PCDHGB4: variants seen among roughly 807,000 people sequenced by gnomAD.
PCDHGB4 encodes protocadherin gamma-B4.
In PCDHGB4, 38 loss-of-function variants were observed where a neutral mutation model predicts 60.5. That is an observed-to-expected ratio of 0.63 (90% CI 0.48 to 0.82). The LOEUF (loss-of-function observed/expected upper bound fraction) is 0.82, where lower values mean the gene tolerates loss of function less well. PCDHGB4 is among the 40% of genes least tolerant of loss of function. PCDHGB4 has a pLI of 0.00. For synonymous variants in PCDHGB4, 456 were observed against 509.7 expected, an observed-to-expected ratio of 0.89 and a Z score of 1.42; for missense variants, 1,109 against 1,209.6, an observed-to-expected ratio of 0.92 and a Z score of 1.23.
chr5:141,422,150 T>A (rs773805631), intron 1 of PCDHGB4: 1 of 1,577,174 alleles, frequency 6.3e-7, no homozygotes, highest in Non-Finnish European at 8.6e-7. Context: ...CGGGGGTCTC[T>A]GGATTTTGAA....
rs200491568 is a variant in PCDHGB4, at chr5:141,493,146, G to A, written c.2398-1661G>A. 9.6e-6 allele frequency among the ~76,000 whole-genome samples: 1 copy of A among 104,172 alleles called. No homozygotes were observed. The highest frequency in any genetic ancestry group is 3.1e-5 in the African/African-American group (1 of 32,680). 68.3% of individuals were successfully genotyped at this position (104,172 alleles called of 152,430 possible). A position where few individuals can be genotyped will look rare whatever the true frequency, so the allele number is the denominator to read the frequency against. On this transcript the variant is annotated intron_variant, in intron 1 of 3. Transcript: ENST00000519479. The surrounding 1 kb of genome is among the most constrained non-coding windows in gnomAD (Gnocchi z 4.3). ...AGGACTGTATTTTGAAACACCCCCA[G>A]GTGATTTTGATAGCTGATTGAGAGA... is the stretch of plus-strand genomic sequence containing the variant.
Position 141,490,177 on chromosome 5 carries a change from T to C in PCDHGB4, c.2398-4630T>C, listed in dbSNP as rs780298274. 12 of 1,613,622 alleles carry C rather than the reference T, an allele frequency of 7.4e-6. No individual in the cohort carries two copies. The highest frequency in any genetic ancestry group is 1.0e-5 in the Non-Finnish European group (12 of 1,179,932). On this transcript the variant is annotated intron_variant, in intron 1 of 3. Transcript: ENST00000519479. This position sits in a 1 kb window ranked among gnomAD's most constrained non-coding sequence, Gnocchi z 5.4. The stretch of plus-strand genomic sequence containing the variant: ...GTTGGGTCCCATAGACTTTGAGGAG[T>C]CACGTTTCTATGAAATTCATGCAAG...
chr5:141,438,735 C>T (rs2098057719), intron 1 of PCDHGB4, among the ~76,000 whole-genome samples: 1 of 149,150 alleles, frequency 6.7e-6, no homozygotes, highest in South Asian at 2.1e-4. Context: ...GATCTCAGCT[C>T]ACTGCAACCT....
intron 1 of PCDHGB4, chr5:141,409,680 C>T (rs756713114): frequency 1.9e-6 from 3 of 1,613,242 alleles, no homozygotes; most frequent in African/African-American, 1.3e-5. Context: ...TCTATAGTGG[C>T]GAGTGACCTA....
intron 1 of PCDHGB4, chr5:141,409,668 A>G: frequency 6.2e-7 from 1 of 1,613,398 alleles, no homozygotes; most frequent in Non-Finnish European, 8.5e-7. Context: ...CACATCTCCT[A>G]CTCTATAGTG....
intron 1 of PCDHGB4, chr5:141,426,867 G>A (rs1436078091): frequency 4.4e-6 from 2 of 456,708 alleles, no homozygotes; most frequent in Non-Finnish European, 8.8e-6. Flanking sequence ...ATTAGTGCTG[G>A]AGAAGCCCCT....
Position 141,432,410 on chromosome 5 carries a change from T to C in PCDHGB4, c.2397+42129T>C. On this transcript the variant is annotated intron_variant, in intron 1 of 3. Transcript: ENST00000519479. This position sits in a 1 kb window ranked among gnomAD's most constrained non-coding sequence, Gnocchi z 6.0. The stretch of plus-strand genomic sequence containing the variant: ...CAGCAGCAACGTGTCGTTGAGCCTG[T>C]TCGTGCTGGACCAGAACGACAATGC... 6.2e-7 allele frequency: 1 copy of C among 1,614,228 alleles called. No homozygotes were observed. Among genetic ancestry groups the C allele is most frequent in the East Asian group, 2.2e-5 (1 of 44,884 alleles).
intron 1 of PCDHGB4, chr5:141,419,497 G>A (rs1357823931): frequency 6.2e-7 from 1 of 1,612,390 alleles, no homozygotes; most frequent in South Asian, 1.1e-5. Context: ...GCGCCAATGT[G>A]AGCCTGCGCG....
rs746968245 is a variant in PCDHGB4, at chr5:141,489,575, A to AC, written c.2398-5227dup. 2 of 1,613,788 alleles carry AC rather than the reference A, an allele frequency of 1.2e-6. No homozygotes were observed. Among genetic ancestry groups the AC allele is most frequent in the Non-Finnish European group, 1.7e-6 (2 of 1,179,960 alleles). On this transcript the variant is annotated intron_variant, in intron 1 of 3. Coordinates refer to ENST00000519479, the MANE Select transcript of PCDHGB4 (RefSeq NM_003736.4). The surrounding 1 kb of genome is among the most constrained non-coding windows in gnomAD (Gnocchi z 4.5). ...CTGCCAGTGCAGGTGGTGACTGAACACCCCCTGGAGCTAATCCGTGTAGAG... is the reference window on the plus strand; with the variant it reads ...CTGCCAGTGCAGGTGGTGACTGAACACCCCCCTGGAGCTAATCCGTGTAGAG...
intron 1 of PCDHGB4, among the ~76,000 whole-genome samples, chr5:141,445,851 A>G (rs957077325): frequency 2.0e-5 from 3 of 152,210 alleles, no homozygotes; most frequent in African/African-American, 7.2e-5. Context: ...CACACTTAAA[A>G]TTCTGGATTT....
intron 1 of PCDHGB4, chr5:141,428,402 G>T (rs899477196): frequency 1.7e-5 from 8 of 479,776 alleles, no homozygotes; most frequent in African/African-American, 1.4e-4. Flanking sequence ...TCTGCCTGGG[G>T]TTGCTTTCAC....
intron 1 of PCDHGB4, chr5:141,410,350 A>G (rs2154543015): frequency 1.2e-6 from 2 of 1,613,912 alleles, no homozygotes; most frequent in South Asian, 1.1e-5. Context: ...TGCGCCTGCG[A>G]CGCTCTCTCA....
intron 1 of PCDHGB4, chr5:141,404,899 T>C (rs768489392): frequency 6.2e-7 from 1 of 1,613,718 alleles, no homozygotes; most frequent in East Asian, 2.2e-5. Flanking sequence ...TACAGGACCA[T>C]GGCCAGCCCC....
intron 1 of PCDHGB4, among the ~76,000 whole-genome samples, chr5:141,464,197 G>A (rs1216682352): frequency 3.3e-5 from 5 of 151,394 alleles, no homozygotes; most frequent in African/African-American, 9.7e-5. Context: ...TTCAGGAGGC[G>A]GAGATTGCAG....
intron 1 of PCDHGB4, chr5:141,423,194 C>T (rs1467994226): frequency 3.7e-6 from 6 of 1,613,588 alleles, no homozygotes; most frequent in South Asian, 1.1e-5. Context: ...CCCCCTCTCT[C>T]GGCCACCGTC....
At chr5:141,498,346 C>T (rs780832000) in intron 2 of PCDHGB4, among the ~76,000 whole-genome samples, 1 of 150,796 alleles carries the variant, frequency 6.6e-6, no homozygotes, top group Non-Finnish European at 1.5e-5. Context: ...ATGGGAAAAG[C>T]CTATGCAAAA....
intron 2 of PCDHGB4, among the ~76,000 whole-genome samples, chr5:141,502,408 G>A (rs1197275813): frequency 6.6e-6 from 1 of 151,782 alleles, no homozygotes; most frequent in Non-Finnish European, 1.5e-5. Context: ...CCCGAACCTG[G>A]ATTTGCTGGC....
In PCDHGB4 at chr5:141,462,551, G is replaced by C. The variant is rs57555347; in HGVS notation, c.2398-32256G>C. 8.3e-3 allele frequency among the ~76,000 whole-genome samples: 1,259 copies of C among 151,854 alleles called. 17 individuals carry two copies. The highest frequency in any genetic ancestry group is 0.029 in the African/African-American group (1,196 of 41,422). ...TTGTTCAGTGATCTTTTCTTCTTCA[G>C]TGTTTACTGTATTTGCTAATCCCAT... On this transcript the variant is annotated intron_variant, in intron 1 of 3. Transcript: ENST00000519479.
intron 1 of PCDHGB4, chr5:141,430,824 C>T: frequency 6.5e-7 from 1 of 1,547,704 alleles, no homozygotes; most frequent in Non-Finnish European, 8.7e-7. Flanking sequence ...CTCCTGGGGA[C>T]TCTGTGGGAG....
Sources: gnomAD v4.1 joint callset for allele counts (sites outside exome capture counted in the v4.1 genomes callset) on GRCh38, gnomAD v4.1.1 for gene constraint, Gnocchi (gnomAD v3.1) non-coding constraint, MANE v1.5 for transcripts, NCBI Gene and HGNC (gene_info 2026-07-23, HGNC 2026-07-21) for gene names.